The following SAMD4A variants were observed in gnomAD, a reference collection of about 807,000 sequenced individuals.
SAMD4A encodes sterile alpha motif domain containing 4A, also known as protein Smaug homolog 1.
SAMD4A carries 33 observed loss-of-function variants against 81.3 expected under a neutral mutation model. That is an observed-to-expected ratio of 0.41 (90% CI 0.31 to 0.54). SAMD4A has a LOEUF of 0.54. Ranked by LOEUF, SAMD4A falls within the 20% of genes least tolerant of loss-of-function variation. The pLI is 0.37. For synonymous variants in SAMD4A, 389 were observed against 382.1 expected, an observed-to-expected ratio of 1.02 and a Z score of -0.21; for missense variants, 854 against 951.1, an observed-to-expected ratio of 0.90 and a Z score of 1.34.
chr14:54,657,019 T>C (rs1288552994), intron 2 of SAMD4A, among the ~76,000 whole-genome samples: 1 of 152,146 alleles, frequency 6.6e-6, no homozygotes, highest in Admixed American at 6.5e-5. Flanking sequence ...AACAACTATT[T>C]TACAGTGGAA....
chr14:54,755,724 G>A (rs1028425598), intron 6 of SAMD4A, among the ~76,000 whole-genome samples: 13 of 152,226 alleles, frequency 8.5e-5, no homozygotes, highest in African/African-American at 2.9e-4. Flanking sequence ...GGGGCCATGG[G>A]GTACAGAATT....
intron 2 of SAMD4A, among the ~76,000 whole-genome samples, chr14:54,576,312 T>G (rs2033295769): frequency 6.6e-6 from 1 of 152,206 alleles, no homozygotes; most frequent in African/African-American, 2.4e-5. Context: ...AATGCATGAG[T>G]AAAATGTCAA....
intron 2 of SAMD4A, among the ~76,000 whole-genome samples, chr14:54,626,063 C>CGCGCGT (rs1566554479): frequency 1.1e-5 from 1 of 93,052 alleles, no homozygotes; most frequent in East Asian, 2.2e-4. Context: ...TGTGTGTGCG[C>CGCGCGT]GCGCGCGCGC....
At chr14:54,788,212 G>T (rs926827924) in intron 12 of SAMD4A, among the ~76,000 whole-genome samples, 1 of 152,154 alleles carries the variant, frequency 6.6e-6, no homozygotes, top group Non-Finnish European at 1.5e-5. Context: ...CCATCCCTCT[G>T]GTCTGCTCAG....
intron 2 of SAMD4A, among the ~76,000 whole-genome samples, chr14:54,623,506 A>AAT: frequency 6.7e-6 from 1 of 148,728 alleles, no homozygotes; most frequent in South Asian, 2.1e-4. Flanking sequence ...AAAAAAAAAA[A>AAT]AAAAAAAGCA....
At chr14:54,770,801 A>G (rs2038682925) in intron 9 of SAMD4A, among the ~76,000 whole-genome samples, 1 of 152,230 alleles carries the variant, frequency 6.6e-6, no homozygotes, top group East Asian at 1.9e-4. Context: ...TTACCTTAAT[A>G]TAGTTTTAAA....
At chr14:54,674,370 G>A (rs2035946416) in intron 2 of SAMD4A, among the ~76,000 whole-genome samples, 1 of 152,250 alleles carries the variant, frequency 6.6e-6, no homozygotes, top group African/African-American at 2.4e-5. Flanking sequence ...GACTGTAAAA[G>A]CAGCTTGTTC....
In SAMD4A at chr14:54,789,148, G is replaced by T; in HGVS notation, c.*204G>T. The T allele has an allele frequency of 8.3e-6, 4 of 482,070 alleles. No individual in the cohort carries two copies. The highest frequency in any genetic ancestry group is 1.5e-5 in the Non-Finnish European group (4 of 260,994). 29.9% of individuals were successfully genotyped at this position (482,070 alleles called of 1,614,324 possible). ...CCTGGGGTTGGTTATTTTGTCATTTGTTTCTGTCATGGGATGGTTTGGTGT... is the reference window on the plus strand; with the variant it reads ...CCTGGGGTTGGTTATTTTGTCATTTTTTTCTGTCATGGGATGGTTTGGTGT... On this transcript the variant is annotated 3_prime_UTR_variant, in exon 13 of 13. Transcript: ENST00000554335.
At chr14:54,691,737 CT>C (rs1175755739) in intron 2 of SAMD4A, among the ~76,000 whole-genome samples, 1 of 152,184 alleles carries the variant, frequency 6.6e-6, no homozygotes, top group East Asian at 1.9e-4. Flanking sequence ...GGAGGTGTGC[CT>C]CTAGCTCCCT....
intron 2 of SAMD4A, among the ~76,000 whole-genome samples, chr14:54,699,201 C>T (rs1306004545): frequency 6.6e-6 from 1 of 152,178 alleles, no homozygotes. Context: ...TCATGCTAAG[C>T]ACATTCATCA....
chr14:54,706,568 G>A (rs1398069433), intron 3 of SAMD4A, among the ~76,000 whole-genome samples: 1 of 150,478 alleles, frequency 6.6e-6, no homozygotes, highest in Non-Finnish European at 1.5e-5. Context: ...TGGTGCCACT[G>A]TACTCCAGCC....
chr14:54,648,689 AGGCTCTGGGGCTAC>A (rs1168525648), intron 2 of SAMD4A, among the ~76,000 whole-genome samples: 1 of 152,154 alleles, frequency 6.6e-6, no homozygotes, highest in Non-Finnish European at 1.5e-5. Context: ...GTAACCTTGT[AGGCTCTGGGGCTAC>A]CAGGAGCTGT....
intron 2 of SAMD4A, among the ~76,000 whole-genome samples, chr14:54,605,161 A>G (rs1195291640): frequency 6.6e-6 from 1 of 152,204 alleles, no homozygotes; most frequent in Non-Finnish European, 1.5e-5. Context: ...TGACAATTAC[A>G]GCGGGGGTAG....
At chr14:54,625,354 G>A (rs1157341615) in intron 2 of SAMD4A, among the ~76,000 whole-genome samples, 1 of 152,196 alleles carries the variant, frequency 6.6e-6, no homozygotes, top group East Asian at 1.9e-4. Context: ...TTTCTGCTTC[G>A]TGACATTCTG....
At chr14:54,589,780 A>G (rs566184501) in intron 2 of SAMD4A, among the ~76,000 whole-genome samples, 4 of 152,250 alleles carry the variant, frequency 2.6e-5, no homozygotes, top group Non-Finnish European at 5.9e-5. Flanking sequence ...TGATATCTTT[A>G]CTTTAATTTT....
At chr14:54,671,652 G>A (rs960749810) in intron 2 of SAMD4A, among the ~76,000 whole-genome samples, 3 of 152,190 alleles carry the variant, frequency 2.0e-5, no homozygotes, top group East Asian at 3.8e-4. Flanking sequence ...TACTGAACAC[G>A]TGGAACGAAC....
At chr14:54,691,134 G>A (rs959601322) in intron 2 of SAMD4A, among the ~76,000 whole-genome samples, 4 of 152,126 alleles carry the variant, frequency 2.6e-5, no homozygotes, top group South Asian at 2.1e-4. Flanking sequence ...GCTCCTCTCC[G>A]TCCTACTGGG....
chr14:54,763,321 G>A (rs1374174781), intron 7 of SAMD4A, among the ~76,000 whole-genome samples: 3 of 151,588 alleles, frequency 2.0e-5, no homozygotes, highest in East Asian at 2.0e-4. Context: ...GACCAGCCTC[G>A]GCAACATAGT....
rs868042462 is a variant in SAMD4A, at chr14:54,621,642, G to A, written c.196+53530G>A. On this transcript the variant is annotated intron_variant, in intron 2 of 12. Coordinates refer to ENST00000554335, the MANE Select transcript of SAMD4A (RefSeq NM_015589.6). ...TTCCCACAGTGCTGGGATTATAGCCGTGAGCCACTGTGCCCAGCTCAAAAC... is the reference window on the plus strand; with the variant it reads ...TTCCCACAGTGCTGGGATTATAGCCATGAGCCACTGTGCCCAGCTCAAAAC... Among the ~76,000 whole-genome samples, 10 of 149,538 alleles carry A rather than the reference G, an allele frequency of 6.7e-5. No homozygotes were observed. In the Middle Eastern group the frequency reaches 0.01, roughly 154 times the overall value.
Sources: allele counts gnomAD v4.1 joint callset (sites outside exome capture counted in the v4.1 genomes callset), GRCh38; gene constraint gnomAD v4.1.1; transcripts MANE v1.5; gene names NCBI Gene and HGNC (gene_info 2026-07-23, HGNC 2026-07-21).